Variants in CCSER1 observed in about 807,000 individuals in gnomAD.
The protein encoded by CCSER1 is serine-rich coiled-coil domain-containing protein 1.
In CCSER1, 41 loss-of-function variants were observed where a neutral mutation model predicts 82.0. That is an observed-to-expected ratio of 0.50 (90% CI 0.39 to 0.65). The LOEUF is 0.65. Ranked by LOEUF, CCSER1 falls within the 30% of genes least tolerant of loss-of-function variation. CCSER1 has a pLI of 0.00. For synonymous variants in CCSER1, 414 were observed against 383.9 expected (o/e 1.08, Z -0.92); for missense variants, 1,119 against 1,064.2 (o/e 1.05, Z -0.72).
chr4:90,625,092 C>T (rs773701371), intron 5 of CCSER1, among the ~76,000 whole-genome samples: 9 of 152,088 alleles, frequency 5.9e-5, no homozygotes, highest in Non-Finnish European at 1.2e-4. Context: ...AGTTGGCAGA[C>T]AGAGTTATAT....
chr4:90,700,925 C>T (rs1393184434), intron 6 of CCSER1, among the ~76,000 whole-genome samples: 4 of 152,038 alleles, frequency 2.6e-5, no homozygotes, highest in Non-Finnish European at 5.9e-5. Flanking sequence ...TTCTCCCATT[C>T]TGTAGGTTGC....
At chr4:91,521,288 AT>A (rs1760456951) in intron 10 of CCSER1, among the ~76,000 whole-genome samples, 1 of 152,242 alleles carries the variant, frequency 6.6e-6, no homozygotes, top group South Asian at 2.1e-4. Flanking sequence ...ATTGATGGAC[AT>A]TTGGGTTGGT....
Position 90,839,103 on chromosome 4 carries a change from C to A in CCSER1, c.2094+23258C>A, listed in dbSNP as rs1487243414. ...CGAAGTCTGGTCTGCGCAGTGGCCA[C>A]CACCGAGTTGTCGCCATAATATTTT... On this transcript the variant is annotated intron_variant, in intron 8 of 10. Coordinates refer to ENST00000509176, the MANE Select transcript of CCSER1 (RefSeq NM_001145065.2). 8.3e-6 allele frequency: 10 copies of A among 1,202,996 alleles called. No homozygotes were observed. The Admixed American group carries it at 1.4e-4, about 17-fold the overall frequency. The allele number at this position is 1,202,996 out of a possible 1,614,324, so 74.5% of individuals were successfully genotyped here.
chr4:91,392,924 C>A (rs1464870179), intron 10 of CCSER1, among the ~76,000 whole-genome samples: 2 of 151,956 alleles, frequency 1.3e-5, no homozygotes, highest in Non-Finnish European at 2.9e-5. Context: ...GATGGCTAGG[C>A]CCCACCCCTC....
At chr4:90,534,470 TGTGTG>T (rs1775045751) in intron 5 of CCSER1, among the ~76,000 whole-genome samples, 2 of 151,696 alleles carry the variant, frequency 1.3e-5, no homozygotes, top group African/African-American at 4.8e-5. Flanking sequence ...TGTGTGTGTG[TGTGTG>T]TGTGTGTGTG....
chr4:90,755,900 G>A (rs1360066976), intron 7 of CCSER1, among the ~76,000 whole-genome samples: 1 of 152,118 alleles, frequency 6.6e-6, no homozygotes, highest in East Asian at 1.9e-4. Context: ...CTCAAAACAT[G>A]TTTTCATTTT....
At chr4:91,155,712 A>T (rs1730747302) in intron 10 of CCSER1, among the ~76,000 whole-genome samples, 1 of 151,976 alleles carries the variant, frequency 6.6e-6, no homozygotes, top group Non-Finnish European at 1.5e-5. Context: ...CCTTTATTCT[A>T]TTAATCTCTT....
At chr4:90,410,800 C>T (rs911269097) in intron 4 of CCSER1, among the ~76,000 whole-genome samples, 22 of 152,230 alleles carry the variant, frequency 1.4e-4, no homozygotes, top group African/African-American at 5.3e-4. Flanking sequence ...GAAATAGAGA[C>T]ACAAAAAACC....
At chr4:90,830,958 G>A (rs1360904264) in intron 8 of CCSER1, among the ~76,000 whole-genome samples, 2 of 151,948 alleles carry the variant, frequency 1.3e-5, no homozygotes, top group Admixed American at 6.6e-5. Context: ...ATGTTAATCT[G>A]TAATCATTTC....
chr4:91,530,790 C>T (rs905177817), intron 10 of CCSER1, among the ~76,000 whole-genome samples: 7 of 151,378 alleles, frequency 4.6e-5, no homozygotes, highest in South Asian at 2.1e-4. Context: ...CAGGTTCAAG[C>T]GATTCTCCTG....
intron 4 of CCSER1, among the ~76,000 whole-genome samples, chr4:90,409,247 A>G (rs189040413): frequency 0.01 from 1,531 of 152,326 alleles, 17 homozygotes; most frequent in South Asian, 0.029. Context: ...CTAGCAAGGC[A>G]GGCCAACATT....
At chr4:91,573,936 T>G (rs1763313201) in intron 10 of CCSER1, among the ~76,000 whole-genome samples, 1 of 152,034 alleles carries the variant, frequency 6.6e-6, no homozygotes, top group South Asian at 2.1e-4. Flanking sequence ...ATAAAATACT[T>G]TAGCATAAAT....
At chr4:90,722,209 A>G (rs1045723574) in intron 6 of CCSER1, among the ~76,000 whole-genome samples, 1 of 151,692 alleles carries the variant, frequency 6.6e-6, no homozygotes, top group African/African-American at 2.4e-5. Context: ...ATGTCTCCTA[A>G]ATATATAGTT....
chr4:90,506,830 AAAT>A (rs544311347), intron 5 of CCSER1, among the ~76,000 whole-genome samples: 255 of 152,288 alleles, frequency 1.7e-3, no homozygotes, highest in Non-Finnish European at 2.6e-3. Context: ...TTGTTAAACT[AAAT>A]AATAGGTTCT....
At chr4:90,501,338 T>C (rs1420442464) in intron 5 of CCSER1, among the ~76,000 whole-genome samples, 1 of 152,172 alleles carries the variant, frequency 6.6e-6, no homozygotes, top group African/African-American at 2.4e-5. Flanking sequence ...ATCTTGCAAT[T>C]AACGATATTA....
chr4:90,349,842 C>T (rs770532264), intron 3 of CCSER1, among the ~76,000 whole-genome samples: 47 of 149,188 alleles, frequency 3.2e-4, no homozygotes, highest in Non-Finnish European at 5.0e-4. Flanking sequence ...TCTTCATTCA[C>T]GTGAGGTAAA....
At chr4:91,401,922 G>A (rs1231400486) in intron 10 of CCSER1, among the ~76,000 whole-genome samples, 2 of 152,178 alleles carry the variant, frequency 1.3e-5, no homozygotes, top group African/African-American at 4.8e-5. Context: ...CCCAGTAATG[G>A]GATGGCTGGA....
intron 5 of CCSER1, among the ~76,000 whole-genome samples, chr4:90,559,767 G>A (rs914967224): frequency 2.3e-5 from 3 of 132,418 alleles, no homozygotes; most frequent in Non-Finnish European, 4.6e-5. Context: ...CCGAGATCGC[G>A]CCACTGCACT....
At chr4:90,806,714 C>T (rs10028086) in intron 7 of CCSER1, among the ~76,000 whole-genome samples, 11,234 of 152,156 alleles carry the variant, frequency 0.074, 545 homozygotes, top group Non-Finnish European at 0.11. Flanking sequence ...AATGAGTGAA[C>T]AAGGGAGTAG....
Sources: gnomAD v4.1 joint callset for allele counts (sites outside exome capture counted in the v4.1 genomes callset) on GRCh38, gnomAD v4.1.1 for gene constraint, MANE v1.5 for transcripts, NCBI Gene and HGNC (gene_info 2026-07-23, HGNC 2026-07-21) for gene names.